Variants in PDZRN3 observed in about 807,000 individuals in gnomAD.
PDZRN3 encodes PDZ domain containing ring finger 3.
Under a neutral mutation model 85.7 loss-of-function variants are expected in PDZRN3, and 38 were observed. The ratio of observed to expected loss-of-function variants is 0.44; its 90% confidence interval spans 0.34 to 0.58. The LOEUF is 0.58. Among genes scored for constraint, PDZRN3 ranks in the 20% least tolerant of loss-of-function variants. PDZRN3 has a pLI of 0.01. For missense variants in PDZRN3, 1,629 were observed against 1,506.4 expected, an observed-to-expected ratio of 1.08 and a Z score of -1.35; for synonymous variants, 759 against 638.0, an observed-to-expected ratio of 1.19 and a Z score of -2.86.
intron 2 of PDZRN3, among the ~76,000 whole-genome samples, chr3:73,605,423 G>C (rs1358762397): frequency 6.6e-6 from 1 of 152,148 alleles, no homozygotes; most frequent in Non-Finnish European, 1.5e-5. Context: ...CTTCCCAAAG[G>C]CTTAAGTGAG....
intron 3 of PDZRN3, among the ~76,000 whole-genome samples, chr3:73,542,093 T>G (rs1019972884): frequency 2.6e-5 from 4 of 152,096 alleles, no homozygotes; most frequent in Admixed American, 1.3e-4. Flanking sequence ...AGGGAACTAT[T>G]AATGGGGTTG....
chr3:73,409,831 G>A (rs1166730708), intron 3 of PDZRN3, among the ~76,000 whole-genome samples: 1 of 152,140 alleles, frequency 6.6e-6, no homozygotes, highest in East Asian at 1.9e-4. Context: ...GTAGTATTTG[G>A]AAAAGGCATA....
rs146647055 is a variant in PDZRN3 at position 73,535,686 on chromosome 3, A to G, written c.918+66668T>C. 2.3e-3 allele frequency among the ~76,000 whole-genome samples: 355 copies of G among 152,348 alleles called. 2 individuals are homozygous for G. Among genetic ancestry groups the G allele is most frequent in the African/African-American group, 8.3e-3 (344 of 41,580 alleles). On this transcript the variant is annotated intron_variant, in intron 3 of 9. Transcript: ENST00000263666. ...AACAAGTCAAGTTCCATTTAGGTCC[A>G]TAATTAGAGTAATTGCACGCTTATA...
At chr3:73,598,979 T>C (rs1318972206) in intron 3 of PDZRN3, among the ~76,000 whole-genome samples, 2 of 152,194 alleles carry the variant, frequency 1.3e-5, no homozygotes, top group Non-Finnish European at 2.9e-5. Context: ...AAGAATCTCC[T>C]GCAATGAAGA....
At chr3:73,433,597 G>A (rs1702474557) in intron 3 of PDZRN3, 1 of 1,316,894 alleles carries the variant, frequency 7.6e-7, no homozygotes, top group South Asian at 1.3e-5. Context: ...TTGGCCAGGT[G>A]GGTGCCTATG....
intron 3 of PDZRN3, among the ~76,000 whole-genome samples, chr3:73,557,633 A>G (rs1701729538): frequency 1.1e-5 from 1 of 89,392 alleles, no homozygotes; most frequent in Middle Eastern, 5.0e-3. Flanking sequence ...AATTAATCTC[A>G]TGGGCAATTT....
At chr3:73,563,355 T>TA (rs1292502020) in intron 3 of PDZRN3, among the ~76,000 whole-genome samples, 1 of 151,380 alleles carries the variant, frequency 6.6e-6, no homozygotes, top group African/African-American at 2.4e-5. Context: ...ATTTTCTATT[T>TA]AAAAAAAAGA....
chr3:73,555,271 G>A (rs1228560699), intron 3 of PDZRN3, among the ~76,000 whole-genome samples: 1 of 152,100 alleles, frequency 6.6e-6, no homozygotes, highest in Non-Finnish European at 1.5e-5. Flanking sequence ...ATGTCACTTG[G>A]GACGAGGAAG....
intron 3 of PDZRN3, among the ~76,000 whole-genome samples, chr3:73,571,844 A>C (rs1411821746): frequency 6.6e-6 from 1 of 152,278 alleles, no homozygotes; most frequent in Admixed American, 6.5e-5. Context: ...ATGTGTCCCG[A>C]GCACCGTTTT....
chr3:73,496,811 A>T (rs992343715), intron 3 of PDZRN3, among the ~76,000 whole-genome samples: 12 of 152,206 alleles, frequency 7.9e-5, no homozygotes, highest in African/African-American at 2.7e-4. Context: ...ATTAGCAAAC[A>T]ATTGTAAGTT....
chr3:73,580,988 A>G (rs1702193664), intron 3 of PDZRN3, among the ~76,000 whole-genome samples: 1 of 152,262 alleles, frequency 6.6e-6, no homozygotes, highest in Non-Finnish European at 1.5e-5. Context: ...TACCAGAAGC[A>G]ACCAGCAACA....
chr3:73,585,511 C>T (rs529077384), intron 3 of PDZRN3, among the ~76,000 whole-genome samples: 1 of 152,194 alleles, frequency 6.6e-6, no homozygotes, highest in African/African-American at 2.4e-5. Context: ...AGACCTTTCT[C>T]AAGGCCTTTG....
At chr3:73,465,479 C>T (rs1002723096) in intron 3 of PDZRN3, among the ~76,000 whole-genome samples, 18 of 152,124 alleles carry the variant, frequency 1.2e-4, no homozygotes, top group African/African-American at 3.6e-4. Context: ...CCAAAATGAA[C>T]AAACAAAACA....
intron 3 of PDZRN3, among the ~76,000 whole-genome samples, chr3:73,601,669 C>T (rs530107194): frequency 6.6e-6 from 1 of 152,158 alleles, no homozygotes; most frequent in Admixed American, 6.5e-5. Flanking sequence ...TTTAGTGACT[C>T]AGAGCATCCT....
At chr3:73,469,182 T>G (rs1703284450) in intron 3 of PDZRN3, among the ~76,000 whole-genome samples, 1 of 151,802 alleles carries the variant, frequency 6.6e-6, no homozygotes, top group Admixed American at 6.6e-5. Flanking sequence ...CAAGCAATTC[T>G]CTGACTCAGC....
At position 73,384,309 on chromosome 3, in the gene PDZRN3, C is replaced by T; in HGVS notation, c.2257G>A (p.Asp753Asn). Residue 753 changes from aspartate to asparagine, a missense_variant, in exon 10 of 10, where the codon GAC becomes AAC. By Grantham distance (23) the Asp-to-Asn change is conservative. Transcript: ENST00000263666. The part of the protein sequence containing the change: ...ITELPEKSDK[D>N]SSSAYNTGES... ...CCTGTGTTGTAGGCGCTCGAGCTGTCCTTGTCGGATTTCTCCGGGAGCTCG... is the reference window on the plus strand; with the variant it reads ...CCTGTGTTGTAGGCGCTCGAGCTGTTCTTGTCGGATTTCTCCGGGAGCTCG... The T allele has an allele frequency of 6.2e-7, 1 of 1,612,446 alleles. No individual in the cohort carries two copies. Among genetic ancestry groups the T allele is most frequent in the East Asian group, 2.2e-5 (1 of 44,852 alleles).
intron 3 of PDZRN3, among the ~76,000 whole-genome samples, chr3:73,513,341 C>G (rs191535017): frequency 6.6e-6 from 1 of 152,126 alleles, no homozygotes; most frequent in Admixed American, 6.5e-5. Context: ...ACACTGCTCC[C>G]GGTAAATGAA....
At chr3:73,568,697 C>A (rs1476079940) in intron 3 of PDZRN3, among the ~76,000 whole-genome samples, 1 of 152,212 alleles carries the variant, frequency 6.6e-6, no homozygotes, top group Non-Finnish European at 1.5e-5. Flanking sequence ...TGGCCAACAA[C>A]CAAACTCTGT....
At chr3:73,434,059 G>A in intron 3 of PDZRN3, 1 of 545,382 alleles carries the variant, frequency 1.8e-6, no homozygotes, top group Non-Finnish European at 2.3e-6. Context: ...AGCTCTCATT[G>A]ACTATTCATA....
Sources: gnomAD v4.1 joint callset for allele counts (sites outside exome capture counted in the v4.1 genomes callset) on GRCh38, gnomAD v4.1.1 for gene constraint, MANE v1.5 for transcripts, NCBI Gene and HGNC (gene_info 2026-07-23, HGNC 2026-07-21) for gene names.